Variants in EPRS1 observed in about 807,000 individuals in gnomAD.
EPRS1 encodes the protein glutamyl-prolyl-tRNA synthetase 1.
EPRS1 carries 107 observed loss-of-function variants against 188.3 expected under a neutral mutation model. The ratio of observed to expected loss-of-function variants is 0.57; its 90% CI spans 0.49 to 0.67. The LOEUF (loss-of-function observed/expected upper bound fraction) is 0.67. Ranked by LOEUF, EPRS1 falls within the 30% of genes least tolerant of loss-of-function variation. The pLI, the probability that EPRS1 is intolerant of heterozygous loss-of-function variation, is 0.00. For synonymous variants in EPRS1, 596 were observed against 593.1 expected, an observed-to-expected ratio of 1.00 and a Z score of -0.07; for missense variants, 1,577 against 1,802.2, an observed-to-expected ratio of 0.88 and a Z score of 2.26.
At chr1:219,994,396 T>C (rs968578014) in intron 18 of EPRS1, among the ~76,000 whole-genome samples, 5 of 152,182 alleles carry the variant, frequency 3.3e-5, no homozygotes, top group Non-Finnish European at 7.3e-5. Context: ...AATAAATGGG[T>C]AAATAATTAT....
chr1:219,978,909 C>T (rs2647438), intron 27 of EPRS1, among the ~76,000 whole-genome samples, 190 bp from the exon 28 acceptor site: 131,807 of 151,806 alleles, frequency 0.87, 57,590 homozygotes, highest in African/African-American at 0.97. Context: ...TCATCTGACC[C>T]ACTATATTTC....
intron 13 of EPRS1, among the ~76,000 whole-genome samples, chr1:220,009,216 C>T (rs115801914): frequency 1.2e-3 from 186 of 152,194 alleles, no homozygotes; most frequent in African/African-American, 4.2e-3. Context: ...GGATTCAAAT[C>T]TTTAAAATTA....
chr1:219,974,918 G>C (rs1381634508), intron 28 of EPRS1, among the ~76,000 whole-genome samples: 1 of 152,132 alleles, frequency 6.6e-6, no homozygotes, highest in Non-Finnish European at 1.5e-5. Flanking sequence ...AGTTAGCAGT[G>C]AGAGAATATT....
At chr1:220,025,409 G>T in intron 6 of EPRS1, 151 bp from the exon 7 acceptor site, 1 of 445,006 alleles carries the variant, frequency 2.2e-6, no homozygotes, top group African/African-American at 2.6e-5. Flanking sequence ...TACTGTGATA[G>T]AAAATCTGAC....
At position 219,997,349 on chromosome 1, in the gene EPRS1, AG is replaced by A; in HGVS notation, c.2182-8del. 6.5e-7 allele frequency: 1 copy of A among 1,544,516 alleles called. No homozygotes were observed. Among genetic ancestry groups the A allele is most frequent in the African/African-American group, 1.4e-5 (1 of 72,028 alleles). ...CCTTAAAAGGAGCAGAGGTCTACCA[AG>A]AGAGAAAACCAAAAGTAAAATAATT... On this transcript the variant is annotated splice_region_variant and splice_polypyrimidine_tract_variant and intron_variant, in intron 17 of 31. Coordinates refer to ENST00000366923, the MANE Select transcript of EPRS1 (RefSeq NM_004446.3).
Position 219,983,964 on chromosome 1 carries a change from T to C in EPRS1, c.3090+242A>G, listed in dbSNP as rs540770985. On this transcript the variant is annotated intron_variant, in intron 21 of 31. Coordinates refer to ENST00000366923, the MANE Select transcript of EPRS1 (RefSeq NM_004446.3). The stretch of plus-strand genomic sequence containing the variant: ...TGACTATATCTTTGTGGCTTTGAAT[T>C]AATCCCTTTATCTCACCTAAAAAAA... Among the ~76,000 whole-genome samples the C allele has an allele frequency of 3.3e-5, 5 of 152,048 alleles. No individual in the cohort carries two copies. The South Asian group carries it at 1.0e-3, about 32-fold the overall frequency.
intron 3 of EPRS1, among the ~76,000 whole-genome samples, 168 bp from the exon 4 acceptor site, chr1:220,033,826 A>C (rs1469265690): frequency 1.3e-5 from 2 of 152,112 alleles, no homozygotes. Flanking sequence ...TGATTGCCTA[A>C]AATCTAAAAT....
intron 25 of EPRS1, 126 bp from the exon 26 acceptor site, chr1:219,980,366 A>ATTG: frequency 1.5e-6 from 1 of 684,758 alleles, no homozygotes; most frequent in Non-Finnish European, 2.4e-6. Flanking sequence ...ACCTCTTTTT[A>ATTG]TGAAAAGGTT....
chr1:220,038,367 C>T (rs921619017), intron 2 of EPRS1, among the ~76,000 whole-genome samples: 2 of 150,526 alleles, frequency 1.3e-5, no homozygotes, highest in Non-Finnish European at 3.0e-5. Flanking sequence ...AAGGCCTAAG[C>T]CACCACACCC....
At chr1:220,021,764 T>C (rs896699655) in intron 9 of EPRS1, among the ~76,000 whole-genome samples, 1 of 152,216 alleles carries the variant, frequency 6.6e-6, no homozygotes, top group Non-Finnish European at 1.5e-5. Flanking sequence ...TCATTTACAT[T>C]TACCATTCTC....
intron 18 of EPRS1, among the ~76,000 whole-genome samples, chr1:219,993,063 C>T (rs758341795): frequency 2.0e-5 from 3 of 151,976 alleles, no homozygotes; most frequent in African/African-American, 4.8e-5. Flanking sequence ...AGTGAAACCC[C>T]GTCTCTATGA....
Position 220,020,022 on chromosome 1 carries a change from T to C in EPRS1, c.1315A>G (p.Thr439Ala), listed in dbSNP as rs569360893. ...ACTAGTCCTTCATTGACAAACCATG[T>C]GAGTTTTCTTTTGGATAGCACTGTG... Reference protein sequence around the residue: ...NNTVLSKRKLTWFVNEGLVDG... With the variant: ...NNTVLSKRKLAWFVNEGLVDG... Residue 439 changes from threonine to alanine, a missense_variant, in exon 10 of 32, where the codon ACA becomes GCA. Physicochemically the swap from Thr to Ala is moderately conservative, Grantham distance 58. Transcript: ENST00000366923. 6.2e-7 allele frequency: 1 copy of C among 1,613,796 alleles called. No individual in the cohort carries two copies. The highest frequency in any genetic ancestry group is 8.5e-7 in the Non-Finnish European group (1 of 1,179,680).
intron 1 of EPRS1, among the ~76,000 whole-genome samples, chr1:220,044,711 A>AAAAAAAT (rs1558064845): frequency 1.6e-5 from 2 of 124,896 alleles, no homozygotes; most frequent in Admixed American, 8.7e-5. Flanking sequence ...AAAAAAAAAA[A>AAAAAAAT]AACAGTATCA....
At chr1:219,976,259 C>T (rs1231134200) in intron 28 of EPRS1, among the ~76,000 whole-genome samples, 1 of 152,182 alleles carries the variant, frequency 6.6e-6, no homozygotes, top group Non-Finnish European at 1.5e-5. Context: ...AAAAAATGTG[C>T]TGTGTCAAGA....
intron 22 of EPRS1, 21 bp downstream of exon 22, chr1:219,983,168 T>C: frequency 6.3e-7 from 1 of 1,576,812 alleles, no homozygotes; most frequent in Non-Finnish European, 8.6e-7. Flanking sequence ...TTGCAAAAAA[T>C]AAAAAAGCAA....
chr1:219,995,552 C>G (rs745840194), intron 18 of EPRS1, among the ~76,000 whole-genome samples: 7 of 152,130 alleles, frequency 4.6e-5, no homozygotes, highest in Admixed American at 1.3e-4. Context: ...CATCCAGCAG[C>G]ATTTATTCCT....
chr1:220,044,891 A>G (rs113017387), intron 1 of EPRS1, among the ~76,000 whole-genome samples: 2,145 of 152,170 alleles, frequency 0.014, 47 homozygotes, highest in African/African-American at 0.048. Flanking sequence ...GCAGAAACCA[A>G]ATGTCTTTGC....
At chr1:220,026,696 A>AATTTTTTGT (rs1400191874) in intron 6 of EPRS1, among the ~76,000 whole-genome samples, 2 of 151,454 alleles carry the variant, frequency 1.3e-5, no homozygotes, top group East Asian at 3.9e-4. Flanking sequence ...ATGCCCGGCT[A>AATTTTTTGT]ATTTTTTGTA....
chr1:219,978,883 C>T (rs779027989), intron 27 of EPRS1, among the ~76,000 whole-genome samples, 164 bp from the exon 28 acceptor site: 8 of 152,018 alleles, frequency 5.3e-5, no homozygotes, highest in African/African-American at 9.7e-5. Flanking sequence ...ATCACTTACC[C>T]GTGCTAAATG....
Sources: allele counts gnomAD v4.1 joint callset (sites outside exome capture counted in the v4.1 genomes callset), GRCh38; gene constraint gnomAD v4.1.1; transcripts MANE v1.5; gene names NCBI Gene and HGNC (gene_info 2026-07-23, HGNC 2026-07-21).